Variants in PEX1 observed in about 807,000 individuals in gnomAD.
PEX1 encodes peroxisomal biogenesis factor 1, also known as peroxisomal ATPase PEX1.
A neutral mutation model predicts 152.5 loss-of-function variants in PEX1; 97 were observed. The ratio of observed to expected loss-of-function variants is 0.64; its 90% CI spans 0.54 to 0.75. The LOEUF is 0.75. Ranked by LOEUF, PEX1 falls within the 30% of genes least tolerant of loss-of-function variation. The probability of loss-of-function intolerance (pLI) is 0.00; values close to 1 mark genes in which losing one functional copy is unlikely to be tolerated. For missense variants in PEX1, 1,357 were observed against 1,516.3 expected (o/e 0.89, Z 1.74); for synonymous variants, 485 against 531.6 (o/e 0.91, Z 1.21).
rs1463748804 is a variant in PEX1 at position 92,515,105 on chromosome 7, A to C, written c.1240-1138T>G. On this transcript the variant is annotated intron_variant, in intron 5 of 23. Coordinates refer to ENST00000248633, the MANE Select transcript of PEX1 (RefSeq NM_000466.3). Reference sequence around the variant, plus strand: ...TATATATATATATATATATATATATATATATATATATATATATCAATAATG... The same window carrying C: ...TATATATATATATATATATATATATCTATATATATATATATATCAATAATG... 5.7e-3 allele frequency among the ~76,000 whole-genome samples: 619 copies of C among 107,696 alleles called. 28 individuals are homozygous for C. Among genetic ancestry groups the C allele is most frequent in the African/African-American group, 0.018 (549 of 29,924 alleles). The allele number at this position is 107,696 out of a possible 152,430, so 70.7% of individuals were successfully genotyped here.
intron 20 of PEX1, chr7:92,491,714 C>T: frequency 3.9e-6 from 2 of 510,384 alleles, no homozygotes; most frequent in South Asian, 4.3e-5. Context: ...AGATAATTTA[C>T]CAACCATCCC....
chr7:92,494,299 A>G lies in PEX1; in HGVS notation c.3024T>C (p.Pro1008=). The change falls in exon 19 of 24, where the codon CCT becomes CCC. Residue 1008 remains proline (P), a synonymous_variant. Coordinates refer to ENST00000248633, the MANE Select transcript of PEX1 (RefSeq NM_000466.3). ...CTAAATATGAAATTGTCACCTGATC[A>G]GGAGGAGGACAGTATACACATTTAT... ...RLDKCVYCPP[P]DQVSRLEILN... 6.2e-7 allele frequency: 1 copy of G among 1,611,268 alleles called. No individual in the cohort carries two copies. Among genetic ancestry groups the G allele is most frequent in the Non-Finnish European group, 8.5e-7 (1 of 1,177,584 alleles).
chr7:92,496,813 T>C, intron 16 of PEX1, 36 bp from the exon 17 acceptor site: 1 of 1,380,904 alleles, frequency 7.2e-7, no homozygotes, highest in Non-Finnish European at 1.0e-6. Flanking sequence ...TAAAATTATT[T>C]AAAAAGAAAA....
chr7:92,496,406 G>C (rs1422584845), intron 17 of PEX1, among the ~76,000 whole-genome samples: 1 of 152,066 alleles, frequency 6.6e-6, no homozygotes, highest in East Asian at 1.9e-4. Flanking sequence ...AAAATTTAGA[G>C]ATAAATTAGG....
chr7:92,520,019 T>C lies in PEX1; in HGVS notation c.274-941A>G, dbSNP rs575631423. Among the ~76,000 whole-genome samples the C allele has an allele frequency of 5.3e-5, 8 of 152,298 alleles. No individual in the cohort carries two copies. In the East Asian group the frequency reaches 7.7e-4, roughly 15 times the overall value. Reference sequence around the variant, plus strand: ...TCTCCCTTACTGAAAAGGATGATTCTGAGCAAGCACAAAGCAGCTCCTGCC... The same window carrying C: ...TCTCCCTTACTGAAAAGGATGATTCCGAGCAAGCACAAAGCAGCTCCTGCC... On this transcript the variant is annotated intron_variant, in intron 2 of 23. Transcript: ENST00000248633.
At chr7:92,506,914 A>G in intron 10 of PEX1, 80 bp downstream of exon 10, 1 of 1,450,776 alleles carries the variant, frequency 6.9e-7, no homozygotes, top group Non-Finnish European at 9.7e-7. Flanking sequence ...ACCCTATATA[A>G]TAGATGGTCA....
In PEX1 at chr7:92,518,103, G is replaced by GTGTAGAAT. The variant is rs778797572; in HGVS notation, c.472+30_472+37dup. 8 of 1,605,492 alleles carry GTGTAGAAT rather than the reference G, an allele frequency of 5.0e-6. No homozygotes were observed. In the Admixed American group the frequency reaches 1.3e-4, roughly 27 times the overall value. ...TTTCTACTTTGGACTCAATGCTATA[G>GTGTAGAAT]TGTAGAATATGACAGCAAATATTAC... On this transcript the variant is annotated intron_variant, in intron 4 of 23. Transcript: ENST00000248633.
intron 7 of PEX1, 98 bp from the exon 8 acceptor site, chr7:92,511,145 T>A (rs1562860891): frequency 2.8e-6 from 2 of 703,262 alleles, no homozygotes; most frequent in Non-Finnish European, 4.9e-6. Context: ...TAAAGACTTT[T>A]TTTTTTTTCC....
intron 1 of PEX1, among the ~76,000 whole-genome samples, chr7:92,522,859 A>C (rs1038528611): frequency 1.3e-5 from 2 of 152,194 alleles, no homozygotes; most frequent in African/African-American, 4.8e-5. Context: ...AAAGCACAAA[A>C]CGTACAAAAG....
intron 2 of PEX1, among the ~76,000 whole-genome samples, chr7:92,519,915 CCT>C (rs1454109757): frequency 6.6e-6 from 1 of 152,080 alleles, no homozygotes; most frequent in Non-Finnish European, 1.5e-5. Context: ...ACCAACCCTT[CCT>C]CTCTGCTTTT....
chr7:92,519,173 AG>A, intron 2 of PEX1, 95 bp from the exon 3 acceptor site: 1 of 730,732 alleles, frequency 1.4e-6, no homozygotes, highest in South Asian at 1.5e-5. Context: ...TTTTAGGTTA[AG>A]TAGATGTGTG....
intron 17 of PEX1, among the ~76,000 whole-genome samples, chr7:92,494,926 T>TTA (rs1198910206): frequency 6.6e-6 from 1 of 151,848 alleles, no homozygotes; most frequent in African/African-American, 2.4e-5. Flanking sequence ...AGGTGTTTAT[T>TTA]AAGACCCATG....
chr7:92,494,653 A>G (rs772542445), intron 17 of PEX1, 24 bp from the exon 18 acceptor site: 6 of 1,612,234 alleles, frequency 3.7e-6, no homozygotes, highest in Non-Finnish European at 5.1e-6. Context: ...ACAACATTTC[A>G]TATTTGAATC....
In PEX1 at chr7:92,528,460, C is replaced by G; in HGVS notation, c.-25G>C. On this transcript the variant is annotated 5_prime_UTR_variant, in exon 1 of 24. Transcript: ENST00000248633. ...TCGTCCCGGAGCGTCGCTCTGGGTT[C>G]GCCCACCCTAGCGCCGCAAAGGACC... is the stretch of plus-strand genomic sequence containing the variant. The G allele has an allele frequency of 6.4e-7, 1 of 1,565,500 alleles. No individual in the cohort carries two copies. Among genetic ancestry groups the G allele is most frequent in the Non-Finnish European group, 8.6e-7 (1 of 1,158,170 alleles).
Position 92,493,088 on chromosome 7 carries a change from T to C in PEX1, c.3072A>G (p.Leu1024=). 1 of 1,612,350 alleles carries C rather than the reference T, an allele frequency of 6.2e-7. No homozygotes were observed. Among genetic ancestry groups the C allele is most frequent in the Non-Finnish European group, 8.5e-7 (1 of 1,178,552 alleles). The change falls in exon 20 of 24, where the codon CTA becomes CTG. Residue 1024 remains leucine (L), a synonymous_variant. Coordinates refer to ENST00000248633, the MANE Select transcript of PEX1 (RefSeq NM_000466.3). ...GAAGGTCAACATCATCTGCCAGAGG[T>C]AGAGAGTCACTGAGGACATTTAAAA... ...LEILNVLSDS[L]PLADDVDLQH... is the part of the protein sequence containing the mutation.
At chr7:92,507,346 C>T in intron 9 of PEX1, 1 of 457,876 alleles carries the variant, frequency 2.2e-6, no homozygotes, top group South Asian at 2.4e-5. Context: ...AAAGGTGATC[C>T]TCCTGCCTCA....
At chr7:92,518,559 A>T (rs961213530) in intron 3 of PEX1, among the ~76,000 whole-genome samples, 4 of 152,040 alleles carry the variant, frequency 2.6e-5, no homozygotes, top group African/African-American at 9.7e-5. Context: ...TGTACATTAG[A>T]TCTCTATCAA....
chr7:92,490,464 G>A (rs537587267), intron 21 of PEX1, among the ~76,000 whole-genome samples: 3 of 151,786 alleles, frequency 2.0e-5, no homozygotes, highest in African/African-American at 4.8e-5. Flanking sequence ...GTGAAACCTC[G>A]TCTCTACAAA....
At chr7:92,488,258 C>T (rs1791045878) in intron 23 of PEX1, among the ~76,000 whole-genome samples, 1 of 152,098 alleles carries the variant, frequency 6.6e-6, no homozygotes, top group Non-Finnish European at 1.5e-5. Context: ...AACAAATATG[C>T]TTTGGGAGGT....
Sources: gnomAD v4.1 joint callset for allele counts (sites outside exome capture counted in the v4.1 genomes callset) on GRCh38, gnomAD v4.1.1 for gene constraint, MANE v1.5 for transcripts, NCBI Gene and HGNC (gene_info 2026-07-23, HGNC 2026-07-21) for gene names.